Variants in PCGF3 observed in about 807,000 individuals in gnomAD.
PCGF3 encodes polycomb group RING finger protein 3.
A neutral mutation model predicts 33.1 loss-of-function variants in PCGF3; 7 were observed. That is an observed-to-expected ratio of 0.21 (90% CI 0.12 to 0.40). PCGF3 has a LOEUF of 0.40. Among genes scored for constraint, PCGF3 ranks in the 10% least tolerant of loss-of-function variants. The pLI is 1.00. For missense variants in PCGF3, 211 were observed against 313.3 expected (o/e 0.67, Z 2.46); for synonymous variants, 153 against 121.3 (o/e 1.26, Z -1.72).
chr4:765,102 A>G, intron 10 of PCGF3, 38 bp downstream of exon 10: 1 of 1,424,420 alleles, frequency 7.0e-7, no homozygotes, highest in Non-Finnish European at 9.9e-7. Flanking sequence ...TCTGCTCTGA[A>G]TGGCAGTGAC....
intron 8 of PCGF3, chr4:757,248 C>T (rs185219073): frequency 4.0e-5 from 6 of 151,660 alleles, no homozygotes; most frequent in Non-Finnish European, 8.8e-5. Flanking sequence ...TGCAGCCCTT[C>T]CTGCTGCCCT....
chr4:716,017 A>G (rs1227719190), intron 1 of PCGF3, among the ~76,000 whole-genome samples: 15 of 133,234 alleles, frequency 1.1e-4, no homozygotes, highest in African/African-American at 2.6e-4. Context: ...GGGACCCTGT[A>G]GACACTGAGT....
intron 1 of PCGF3, among the ~76,000 whole-genome samples, chr4:713,133 T>C (rs1742647082): frequency 6.6e-6 from 1 of 151,534 alleles, no homozygotes; most frequent in South Asian, 2.1e-4. Context: ...GGCTGTGGCC[T>C]CGTGGGAGCT....
At chr4:763,252 A>C (rs1283753936) in intron 9 of PCGF3, among the ~76,000 whole-genome samples, 1 of 152,188 alleles carries the variant, frequency 6.6e-6, no homozygotes, top group African/African-American at 2.4e-5. Context: ...GGGACAGAGC[A>C]GGCCGAGGAA....
chr4:734,297 T>G (rs142522351), intron 4 of PCGF3: 4 of 1,453,270 alleles, frequency 2.8e-6, no homozygotes, highest in Admixed American at 2.7e-5. Context: ...TCGGCTCTTA[T>G]GCTAACCTGA....
intron 8 of PCGF3, among the ~76,000 whole-genome samples, chr4:749,476 C>CTTTTTTTTTTTTTTTTTTTTTTTTTTTT (rs71640348): frequency 6.6e-5 from 5 of 75,496 alleles, no homozygotes; most frequent in African/African-American, 1.1e-4. Flanking sequence ...ATTTTCTTTC[C>CTTTTTTTTTTTTTTTTTTTTTTTTTTTT]TTTTTTTTTT....
chr4:754,238 A>G (rs528094924), intron 8 of PCGF3, among the ~76,000 whole-genome samples: 76 of 152,224 alleles, frequency 5.0e-4, no homozygotes, highest in East Asian at 1.7e-3. Flanking sequence ...AGAGGCTCCA[A>G]TGGCTCTTGT....
At chr4:722,001 G>A (rs1577401834) in intron 1 of PCGF3, among the ~76,000 whole-genome samples, 2 of 152,184 alleles carry the variant, frequency 1.3e-5, no homozygotes, top group African/African-American at 2.4e-5. Context: ...GTGTGTGGGC[G>A]TGGAGAGGCC....
chr4:721,669 A>T lies in PCGF3; in HGVS notation c.-189-8961A>T, dbSNP rs1325730730. 6.6e-6 allele frequency among the ~76,000 whole-genome samples: 1 copy of T among 151,886 alleles called. No homozygotes were observed. The highest frequency in any genetic ancestry group is 1.5e-5 in the Non-Finnish European group (1 of 67,974). On this transcript the variant is annotated intron_variant, in intron 1 of 10. Transcript: ENST00000362003. This position sits in a 1 kb window ranked among gnomAD's most constrained non-coding sequence, Gnocchi z 4.1. ...CCCAGGGCCTGTAGGACCCTTAGGGAGACGGGTGGCTCTGCGTGTGGGTGT... is the reference window on the plus strand; with the variant it reads ...CCCAGGGCCTGTAGGACCCTTAGGGTGACGGGTGGCTCTGCGTGTGGGTGT...
At chr4:766,076 G>C in exon 11 of PCGF3, 1 of 1,614,040 alleles carries the variant, frequency 6.2e-7, no homozygotes, top group Non-Finnish European at 8.5e-7. Context: ...TGGACTTGCT[G>C]TGAATGGTGC....
At chr4:718,935 C>A (rs1742965995) in intron 1 of PCGF3, among the ~76,000 whole-genome samples, 1 of 152,102 alleles carries the variant, frequency 6.6e-6, no homozygotes, top group African/African-American at 2.4e-5. Context: ...CATTGTTTTT[C>A]ATTTTCTTTT....
chr4:708,390 C>G (rs1284761755), intron 1 of PCGF3, among the ~76,000 whole-genome samples: 2 of 152,132 alleles, frequency 1.3e-5, no homozygotes, highest in East Asian at 3.8e-4. Context: ...GGGGGGGAAT[C>G]CAGCAGTGTC....
At chr4:708,472 A>T (rs887658422) in intron 1 of PCGF3, among the ~76,000 whole-genome samples, 5 of 151,638 alleles carry the variant, frequency 3.3e-5, no homozygotes, top group Non-Finnish European at 1.5e-5. Context: ...CTGGTACCCG[A>T]GGCCCTTTCC....
chr4:723,989 A>G (rs1367583606), intron 1 of PCGF3: 1 of 152,364 alleles, frequency 6.6e-6, no homozygotes, highest in Non-Finnish European at 1.5e-5. Flanking sequence ...CTTCCCCAGC[A>G]GCTGTGAGGA....
At chr4:724,195 T>A (rs767242554) in intron 1 of PCGF3, among the ~76,000 whole-genome samples, 3 of 152,116 alleles carry the variant, frequency 2.0e-5, no homozygotes, top group Non-Finnish European at 4.4e-5. Context: ...CACGTGGCCT[T>A]GGGACGAGAG....
At chr4:734,888 T>C (rs776077978) in intron 4 of PCGF3, 43 bp from the exon 5 acceptor site, 1 of 1,598,410 alleles carries the variant, frequency 6.3e-7, no homozygotes, top group African/African-American at 1.3e-5. Context: ...GTGGGCGCCC[T>C]GGCTCTAGAC....
chr4:711,568 C>G (rs1286373022), intron 1 of PCGF3, among the ~76,000 whole-genome samples: 1 of 147,118 alleles, frequency 6.8e-6, no homozygotes, highest in African/African-American at 2.5e-5. Flanking sequence ...CGCCATTCTC[C>G]TGCCTCAGCC....
At chr4:711,031 C>T (rs149496876) in intron 1 of PCGF3, among the ~76,000 whole-genome samples, 155 of 152,362 alleles carry the variant, frequency 1.0e-3, no homozygotes, top group African/African-American at 3.4e-3. Context: ...GACATTTGAC[C>T]GGTGTGAGGA....
chr4:765,320 C>T (rs770754594), intron 10 of PCGF3, among the ~76,000 whole-genome samples: 5 of 152,104 alleles, frequency 3.3e-5, no homozygotes, highest in Non-Finnish European at 7.3e-5. Flanking sequence ...GTAGTCTCAG[C>T]TACTCAGGAG....
Sources: gnomAD v4.1 joint callset for allele counts (sites outside exome capture counted in the v4.1 genomes callset) on GRCh38, gnomAD v4.1.1 for gene constraint, Gnocchi (gnomAD v3.1) non-coding constraint, MANE v1.5 for transcripts, NCBI Gene and HGNC (gene_info 2026-07-23, HGNC 2026-07-21) for gene names.